Variants in SHANK2 observed in about 807,000 individuals in gnomAD.
The protein encoded by SHANK2 is SH3 and multiple ankyrin repeat domains 2.
Under a neutral mutation model 133.7 loss-of-function variants are expected in SHANK2, and 43 were observed. The ratio of observed to expected loss-of-function variants is 0.32; its 90% CI spans 0.25 to 0.41. The LOEUF is 0.41. SHANK2 is among the 10% of genes least tolerant of loss of function. SHANK2 has a pLI of 1.00. For missense variants in SHANK2, 1,994 were observed against 2,235.8 expected (o/e 0.89, Z 2.18); for synonymous variants, 1,017 against 952.8 (o/e 1.07, Z -1.24).
chr11:70,516,495 G>C (rs1360772572), intron 17 of SHANK2, among the ~76,000 whole-genome samples: 5 of 152,152 alleles, frequency 3.3e-5, no homozygotes, highest in African/African-American at 1.2e-4. Flanking sequence ...AATGTAAAAA[G>C]CAAAACTATG....
intron 15 of SHANK2, among the ~76,000 whole-genome samples, chr11:70,690,488 G>GGTTTTTTTTT (rs1945259050): frequency 3.0e-5 from 1 of 32,802 alleles, no homozygotes. Flanking sequence ...TACTTCCCAT[G>GGTTTTTTTTT]TTTTTTTTTT....
chr11:70,704,054 C>T (rs565135516), intron 14 of SHANK2, among the ~76,000 whole-genome samples: 4 of 152,346 alleles, frequency 2.6e-5, no homozygotes, highest in South Asian at 2.1e-4. Context: ...GGGGTTCCCA[C>T]GCCTCAGGCC....
chr11:70,475,432 C>T (rs782040009), intron 25 of SHANK2, among the ~76,000 whole-genome samples: 8 of 152,170 alleles, frequency 5.3e-5, no homozygotes, highest in South Asian at 4.1e-4. Context: ...GACCTGGAGA[C>T]GGGCCCCGCT....
At chr11:71,134,124 T>G (rs1293020541) in intron 3 of SHANK2, among the ~76,000 whole-genome samples, 39 of 151,016 alleles carry the variant, frequency 2.6e-4, no homozygotes, top group African/African-American at 7.8e-4. Context: ...AGGCCCGGAG[T>G]GGGCACTGGA....
intron 17 of SHANK2, among the ~76,000 whole-genome samples, chr11:70,560,223 G>A (rs927792535): frequency 6.6e-6 from 1 of 152,020 alleles, no homozygotes; most frequent in Non-Finnish European, 1.5e-5. Context: ...TGGACACCCC[G>A]GTGAGTAATT....
intron 9 of SHANK2, among the ~76,000 whole-genome samples, chr11:71,063,280 T>C (rs961850239): frequency 1.3e-5 from 2 of 152,206 alleles, no homozygotes; most frequent in African/African-American, 4.8e-5. Context: ...GGAGTCAATA[T>C]CATACCTCCG....
intron 17 of SHANK2, among the ~76,000 whole-genome samples, chr11:70,635,776 G>A (rs553887594): frequency 3.9e-5 from 6 of 151,986 alleles, no homozygotes; most frequent in East Asian, 1.9e-4. Context: ...AAGGGGGGAG[G>A]AAGTGAATGG....
intron 4 of SHANK2, among the ~76,000 whole-genome samples, chr11:71,116,981 G>A (rs2135257212): frequency 6.6e-6 from 1 of 152,258 alleles, no homozygotes; most frequent in South Asian, 2.1e-4. Context: ...AGAACCGTGG[G>A]CCAATTAAAC....
chr11:70,772,343 G>A lies in SHANK2; in HGVS notation c.1777+26100C>T, dbSNP rs571946301. Among the ~76,000 whole-genome samples the A allele has an allele frequency of 1.1e-3, 168 of 151,832 alleles. 1 individual carries two copies. Among genetic ancestry groups the A allele is most frequent in the Admixed American group, 2.4e-3 (36 of 15,230 alleles). ...TAATCCTAGCTACTCGGGAGGCTGA[G>A]GCAGGAGAATCGCTTGAACCCAGGA... On this transcript the variant is annotated intron_variant, in intron 14 of 25. Coordinates refer to ENST00000601538, the MANE Select transcript of SHANK2 (RefSeq NM_012309.5).
chr11:71,222,989 T>C (rs1954581262), intron 2 of SHANK2, among the ~76,000 whole-genome samples: 1 of 152,188 alleles, frequency 6.6e-6, no homozygotes, highest in South Asian at 2.1e-4. Context: ...CGGAGCCGTG[T>C]CACCATCCCT....
At chr11:70,889,228 G>T (rs1056214910) in intron 11 of SHANK2, among the ~76,000 whole-genome samples, 2 of 152,162 alleles carry the variant, frequency 1.3e-5, no homozygotes, top group African/African-American at 4.8e-5. Context: ...GGACCTCTGA[G>T]ATATACACAG....
intron 14 of SHANK2, among the ~76,000 whole-genome samples, chr11:70,703,095 C>CCT (rs1221256555): frequency 2.6e-5 from 4 of 152,212 alleles, no homozygotes; most frequent in African/African-American, 9.7e-5. Context: ...GGGCCTCCGA[C>CCT]CTCAGATCTG....
At chr11:70,827,983 G>A (rs147960062) in intron 11 of SHANK2, among the ~76,000 whole-genome samples, 4 of 152,132 alleles carry the variant, frequency 2.6e-5, no homozygotes, top group Admixed American at 2.0e-4. Context: ...CTGAGCACCC[G>A]AACAGCATCT....
At chr11:71,164,609 C>T (rs1555110465) in intron 2 of SHANK2, among the ~76,000 whole-genome samples, 2 of 152,212 alleles carry the variant, frequency 1.3e-5, no homozygotes, top group African/African-American at 4.8e-5. Context: ...GAACATCACA[C>T]AACAAAATCA....
At chr11:70,798,359 G>T (rs542962139) in intron 14 of SHANK2, 84 bp downstream of exon 14, 1 of 701,400 alleles carries the variant, frequency 1.4e-6, no homozygotes, top group East Asian at 2.7e-5. Flanking sequence ...CGCAACGGCC[G>T]AATCTTGCCA....
chr11:70,693,809 T>G (rs1945337004), intron 15 of SHANK2, among the ~76,000 whole-genome samples: 1 of 151,816 alleles, frequency 6.6e-6, no homozygotes, highest in Non-Finnish European at 1.5e-5. Context: ...AACAGATAAA[T>G]GGGTGGATGG....
At chr11:70,675,899 C>T (rs964932553) in intron 15 of SHANK2, among the ~76,000 whole-genome samples, 61 of 152,148 alleles carry the variant, frequency 4.0e-4, no homozygotes, top group African/African-American at 1.3e-3. Flanking sequence ...CAGTTCACAC[C>T]CCATGCTGGT....
intron 14 of SHANK2, among the ~76,000 whole-genome samples, chr11:70,699,870 G>A (rs898832377): frequency 1.3e-5 from 2 of 152,196 alleles, no homozygotes; most frequent in Non-Finnish European, 2.9e-5. Context: ...ATGTGGCCAC[G>A]TGACTAGTTC....
At chr11:70,820,148 T>C (rs3017495) in intron 12 of SHANK2, among the ~76,000 whole-genome samples, 149,724 of 152,308 alleles carry the variant, frequency 0.98, 73,648 homozygotes, top group East Asian at 1. Flanking sequence ...GCTTTCATCG[T>C]GTGCCTCCAT....
Sources: gnomAD v4.1 joint callset for allele counts (sites outside exome capture counted in the v4.1 genomes callset) on GRCh38, gnomAD v4.1.1 for gene constraint, MANE v1.5 for transcripts, NCBI Gene and HGNC (gene_info 2026-07-23, HGNC 2026-07-21) for gene names.